The following TRPA1 variants were observed in gnomAD, a reference collection of about 807,000 sequenced individuals.
The protein encoded by TRPA1 is ankyrin-like with transmembrane domains 1.
TRPA1 carries 129 observed loss-of-function variants against 131.3 expected under a neutral mutation model. The ratio of observed to expected loss-of-function variants is 0.98; its 90% CI spans 0.85 to 1.14. The LOEUF is 1.14. Ranked by LOEUF, TRPA1 falls within the 50% of genes most tolerant of loss-of-function variation. The probability of loss-of-function intolerance (pLI) is 0.00; values close to 1 mark genes in which losing one functional copy is unlikely to be tolerated. For synonymous variants in TRPA1, 441 were observed against 451.7 expected (o/e 0.98, Z 0.30); for missense variants, 1,304 against 1,354.2 (o/e 0.96, Z 0.58).
At chr8:72,042,915 A>T (rs1214194059) in intron 17 of TRPA1, among the ~76,000 whole-genome samples, 4 of 152,000 alleles carry the variant, frequency 2.6e-5, no homozygotes, top group Non-Finnish European at 2.9e-5. Flanking sequence ...GGGAAAGATG[A>T]TGGAAGTTAC....
In TRPA1 at chr8:72,057,834, C is replaced by T; in HGVS notation, c.994-18G>A. On this transcript the variant is annotated intron_variant, in intron 8 of 26. Transcript: ENST00000262209. ...TCTGCTCCCTAAAAATCAAACAAAC[C>T]ATTCAACAAAGAGCTTAGAAACAGA... 1 of 1,569,550 alleles carries T rather than the reference C, an allele frequency of 6.4e-7. No homozygotes were observed. The highest frequency in any genetic ancestry group is 2.2e-5 in the East Asian group (1 of 44,604).
chr8:72,023,182 A>C, intron 26 of TRPA1, 66 bp from the exon 27 acceptor site: 1 of 1,255,192 alleles, frequency 8.0e-7, no homozygotes, highest in Non-Finnish European at 1.1e-6. Flanking sequence ...TGAATGTAGG[A>C]AGGCATAGGT....
At chr8:72,025,135 T>C (rs1033296417) in intron 25 of TRPA1, among the ~76,000 whole-genome samples, 171 of 110,566 alleles carry the variant, frequency 1.5e-3, no homozygotes, top group African/African-American at 2.7e-3. Flanking sequence ...TGTGTGTGTG[T>C]GCGTGCTATG....
At chr8:72,052,793 C>G (rs1384092334) in intron 13 of TRPA1, 28 bp from the exon 14 acceptor site, 2 of 1,611,134 alleles carry the variant, frequency 1.2e-6, no homozygotes, top group Non-Finnish European at 1.7e-6. Context: ...ACACAGAAAA[C>G]GTGGTGACAG....
intron 17 of TRPA1, among the ~76,000 whole-genome samples, chr8:72,044,445 C>G (rs1020081576): frequency 6.6e-6 from 1 of 151,972 alleles, no homozygotes; most frequent in African/African-American, 2.4e-5. Context: ...AATCCTCTTA[C>G]GTTTCTGAAA....
chr8:72,055,839 T>C lies in TRPA1; in HGVS notation c.1211A>G (p.Glu404Gly). The C allele has an allele frequency of 6.2e-7, 1 of 1,612,566 alleles. No individual in the cohort carries two copies. The highest frequency in any genetic ancestry group is 8.5e-7 in the Non-Finnish European group (1 of 1,179,526). Reference protein sequence around the residue: ...PEFMQMQQIKELVMDEDNDGC... With the variant: ...PEFMQMQQIKGLVMDEDNDGC... The stretch of plus-strand genomic sequence containing the variant: ...ATCGTTGTCTTCATCCATTACCAGC[T>C]CTTTGATCTGTTGCATCTATAGGAA... The change falls in exon 11 of 27, where the codon GAG becomes GGG. Residue 404 changes from glutamate (E) to glycine (G), a missense_variant. Transcript: ENST00000262209.
At position 72,038,057 on chromosome 8, in the gene TRPA1, T is replaced by G. The variant is rs749955972; in HGVS notation, c.2311A>C (p.Lys771Gln). Reference sequence around the variant, plus strand: ...AAAAACACTAAAATCATACAAGTTTTTATTAGATATGAATTCTAAAACAAA... The same window carrying G: ...AAAAACACTAAAATCATACAAGTTTGTATTAGATATGAATTCTAAAACAAA... The part of the protein sequence containing the change: ...ILDTTNSYLI[K>Q]TCMILVFLSS... Residue 771 changes from lysine (K) to glutamine (Q), a missense_variant, in exon 20 of 27, where the codon AAA becomes CAA. Physicochemically the swap from Lys to Gln is moderately conservative, Grantham distance 53 (BLOSUM62 1). Transcript: ENST00000262209. The G allele has an allele frequency of 3.2e-6, 5 of 1,546,936 alleles. No individual in the cohort carries two copies. Among genetic ancestry groups the G allele is most frequent in the African/African-American group, 1.4e-5 (1 of 73,240 alleles).
chr8:72,049,177 G>A (rs1805429358), intron 15 of TRPA1, among the ~76,000 whole-genome samples: 1 of 152,066 alleles, frequency 6.6e-6, no homozygotes, highest in African/African-American at 2.4e-5. Flanking sequence ...AGAACAATAA[G>A]TGCTAGTAGT....
intron 4 of TRPA1, among the ~76,000 whole-genome samples, chr8:72,063,914 A>G (rs1805869570): frequency 6.6e-6 from 1 of 152,192 alleles, no homozygotes; most frequent in Non-Finnish European, 1.5e-5. Flanking sequence ...TTATGCAAAT[A>G]AAGTGATATA....
intron 2 of TRPA1, among the ~76,000 whole-genome samples, chr8:72,070,776 T>A (rs528852371): frequency 5.3e-5 from 8 of 152,226 alleles, no homozygotes; most frequent in Non-Finnish European, 8.8e-5. Flanking sequence ...ATTTCCACTG[T>A]CTCAGTGACT....
chr8:72,075,149 A>G (rs2278653), intron 1 of TRPA1, 150 bp downstream of exon 1: 39 of 664,194 alleles, frequency 5.9e-5, no homozygotes, highest in African/African-American at 5.4e-4. Context: ...TGGGCGCGTC[A>G]TTAGTAGGGT....
rs763546282 is a variant in TRPA1, at chr8:72,047,147, C to T, written c.1965+1G>A. On this transcript the variant is annotated splice_donor_variant, in intron 16 of 26. Coordinates refer to ENST00000262209, the MANE Select transcript of TRPA1 (RefSeq NM_007332.3). LOFTEE classifies it high-confidence loss of function. Reference sequence around the variant, plus strand: ...AGATAATGATGATAAAATAAACTTACATAATAGTCTCGGCAGGACTTGTCT... The same window carrying T: ...AGATAATGATGATAAAATAAACTTATATAATAGTCTCGGCAGGACTTGTCT... The T allele has an allele frequency of 1.9e-6, 3 of 1,599,636 alleles. No individual in the cohort carries two copies. The highest frequency in any genetic ancestry group is 2.6e-6 in the Non-Finnish European group (3 of 1,168,676).
chr8:72,080,964 T>G, the TRPA1 span, among the ~76,000 whole-genome samples: 1 of 151,810 alleles, frequency 6.6e-6, no homozygotes, highest in Non-Finnish European at 1.5e-5. Flanking sequence ...TTATCAGTTT[T>G]GTTGATTGTT....
intron 16 of TRPA1, among the ~76,000 whole-genome samples, chr8:72,046,931 A>G (rs917320013): frequency 6.6e-6 from 1 of 152,040 alleles, no homozygotes; most frequent in Middle Eastern, 3.2e-3. Context: ...AAGACTAGAA[A>G]CAACACTAAA....
Position 72,062,947 on chromosome 8 carries a change from TG to T in TRPA1, c.662-4del. The T allele has an allele frequency of 6.2e-7, 1 of 1,613,210 alleles. No homozygotes were observed. The highest frequency in any genetic ancestry group is 1.3e-5 in the African/African-American group (1 of 74,960). On this transcript the variant is annotated splice_polypyrimidine_tract_variant and splice_region_variant and intron_variant, in intron 5 of 26. Transcript: ENST00000262209. ...TCTACTGTACCCATGCTCTTCACCT[TG>T]AGAAGAAAATAACATTCAACATAAC... is the stretch of plus-strand genomic sequence containing the variant.
Position 72,039,020 on chromosome 8 carries a change from A to T in TRPA1, c.2140T>A (p.Tyr714Asn), listed in dbSNP as rs764318664. Residue 714 changes from tyrosine (Y) to asparagine (N), a missense_variant, in exon 19 of 27, where the codon TAT becomes AAT. Transcript: ENST00000262209. Reference sequence around the variant, plus strand: ...TTCATCATATGAGCTCTAAATCCATAAGCCAACCTACAAAAATATAAGCAA... The same window carrying T: ...TTCATCATATGAGCTCTAAATCCATTAGCCAACCTACAAAAATATAAGCAA... ...KEYLLMKWLA[Y>N]GFRAHMMNLG... 2 of 1,612,536 alleles carry T rather than the reference A, an allele frequency of 1.2e-6. No homozygotes were observed. Among genetic ancestry groups the T allele is most frequent in the East Asian group, 4.5e-5 (2 of 44,750 alleles).
intron 18 of TRPA1, 117 bp downstream of exon 18, chr8:72,039,610 A>T: frequency 1.4e-6 from 1 of 723,150 alleles, no homozygotes; most frequent in Non-Finnish European, 2.4e-6. Flanking sequence ...CAAAGTAAAA[A>T]CATTAAAATA....
intron 6 of TRPA1, among the ~76,000 whole-genome samples, chr8:72,062,072 A>C (rs563420041): frequency 5.9e-5 from 9 of 152,200 alleles, no homozygotes; most frequent in Non-Finnish European, 1.3e-4. Flanking sequence ...TGTCCCATTC[A>C]TTGCTGTAAG....
In TRPA1 at chr8:72,075,454, C is replaced by T; in HGVS notation, c.-45G>A. The T allele has an allele frequency of 1.3e-6, 2 of 1,502,388 alleles. No homozygotes were observed. Among genetic ancestry groups the T allele is most frequent in the Non-Finnish European group, 1.8e-6 (2 of 1,089,624 alleles). 93.1% of individuals were successfully genotyped at this position (1,502,388 alleles called of 1,614,324 possible). ...ACCTGGTGCAGCTGCTCACCACGCG[C>T]GCGGGCACCTGGGGCGAGAGAGCGC... On this transcript the variant is annotated 5_prime_UTR_variant, in exon 1 of 27. Coordinates refer to ENST00000262209, the MANE Select transcript of TRPA1 (RefSeq NM_007332.3).
Sources: allele counts gnomAD v4.1 joint callset (sites outside exome capture counted in the v4.1 genomes callset), GRCh38; gene constraint gnomAD v4.1.1; transcripts MANE v1.5; gene names NCBI Gene and HGNC (gene_info 2026-07-23, HGNC 2026-07-21).